Variants in CCDC192 observed in about 807,000 individuals in gnomAD.
CCDC192 encodes the protein coiled-coil domain-containing protein 192.
chr5:127,726,390 C>T (rs1475729025), intron 2 of CCDC192, among the ~76,000 whole-genome samples: 1 of 152,158 alleles, frequency 6.6e-6, no homozygotes, highest in Non-Finnish European at 1.5e-5. Flanking sequence ...TTTTCTTCTC[C>T]ATAAGCTTTC....
chr5:127,776,761 A>G (rs1414978682), intron 3 of CCDC192, among the ~76,000 whole-genome samples: 1 of 152,186 alleles, frequency 6.6e-6, no homozygotes, highest in Admixed American at 6.5e-5. Flanking sequence ...AGTCATGGCT[A>G]AAAGGGGCCA....
intron 2 of CCDC192, among the ~76,000 whole-genome samples, chr5:127,742,999 C>T (rs557037624): frequency 2.2e-4 from 34 of 152,228 alleles, no homozygotes; most frequent in African/African-American, 7.9e-4. Context: ...CTCCACCCTT[C>T]CCAACTCATC....
At chr5:127,846,949 T>C (rs188747902) in intron 5 of CCDC192, among the ~76,000 whole-genome samples, 26 of 152,208 alleles carry the variant, frequency 1.7e-4, no homozygotes, top group Admixed American at 1.2e-3. Context: ...ATATTTTCCC[T>C]GCTCAGCATT....
chr5:127,855,362 T>G (rs574301132), intron 5 of CCDC192, among the ~76,000 whole-genome samples: 14 of 152,342 alleles, frequency 9.2e-5, no homozygotes, highest in Non-Finnish European at 2.1e-4. Flanking sequence ...TATCATGAGA[T>G]TGCAGGAATT....
At chr5:127,921,260 TAAGAA>T (rs1253029318) in intron 6 of CCDC192, among the ~76,000 whole-genome samples, 2 of 149,716 alleles carry the variant, frequency 1.3e-5, no homozygotes, top group Non-Finnish European at 3.0e-5. Context: ...GGTAGGAAGG[TAAGAA>T]AAGAAAAGGA....
intron 3 of CCDC192, among the ~76,000 whole-genome samples, chr5:127,777,663 G>A (rs903153183): frequency 5.3e-5 from 8 of 152,156 alleles, no homozygotes; most frequent in Non-Finnish European, 1.5e-5. Flanking sequence ...AGTCCCACAT[G>A]TTGTGGGAGG....
chr5:127,749,258 A>G (rs1294899276), intron 2 of CCDC192, among the ~76,000 whole-genome samples: 1 of 152,086 alleles, frequency 6.6e-6, no homozygotes, highest in Non-Finnish European at 1.5e-5. Context: ...TTTGTCATAG[A>G]TAGCTCTTAT....
At chr5:127,941,014 T>C (rs1251546377) in intron 6 of CCDC192, 168 bp from the exon 7 acceptor site, 1 of 394,500 alleles carries the variant, frequency 2.5e-6, no homozygotes, top group East Asian at 3.6e-5. Flanking sequence ...CCAGAATCTT[T>C]CCTCTCACTG....
At chr5:127,752,039 A>G (rs1161758947) in intron 2 of CCDC192, among the ~76,000 whole-genome samples, 1 of 151,950 alleles carries the variant, frequency 6.6e-6, no homozygotes, top group East Asian at 1.9e-4. Flanking sequence ...AAAGTTTTCA[A>G]CTTCTTTGCC....
At chr5:127,876,495 C>T (rs952581504) in intron 6 of CCDC192, among the ~76,000 whole-genome samples, 2 of 152,188 alleles carry the variant, frequency 1.3e-5, no homozygotes, top group South Asian at 4.1e-4. Context: ...GCTGACCATA[C>T]CCTAGTGTGC....
At chr5:127,784,395 A>G (rs1425363065) in intron 3 of CCDC192, among the ~76,000 whole-genome samples, 1 of 152,190 alleles carries the variant, frequency 6.6e-6, no homozygotes, top group East Asian at 1.9e-4. Context: ...TTCTTAAATT[A>G]GGGTAAATGG....
At chr5:127,905,992 C>CT (rs919857569) in intron 6 of CCDC192, among the ~76,000 whole-genome samples, 2 of 152,050 alleles carry the variant, frequency 1.3e-5, no homozygotes, top group African/African-American at 4.8e-5. Flanking sequence ...AAAATCACTT[C>CT]TTTTTTTTAT....
intron 2 of CCDC192, among the ~76,000 whole-genome samples, chr5:127,752,981 T>C (rs1235804452): frequency 6.6e-6 from 1 of 152,166 alleles, no homozygotes; most frequent in African/African-American, 2.4e-5. Context: ...GTCGCGTCGG[T>C]GTGCGCACCC....
At chr5:127,843,201 A>AT (rs563071137) in intron 5 of CCDC192, among the ~76,000 whole-genome samples, 2,187 of 145,824 alleles carry the variant, frequency 0.015, 42 homozygotes, top group African/African-American at 0.052. Context: ...TGCCCGGCTA[A>AT]TTTTTTTTTT....
chr5:127,926,562 AG>A lies in CCDC192; in HGVS notation c.536-14619del, dbSNP rs751895384. On this transcript the variant is annotated intron_variant, in intron 6 of 6. Transcript: ENST00000514853. ...AATAAGACAAACTTAAAAGGTATTT[AG>A]AAGTCTAAATCAACAGAACTTTGTG... Among the ~76,000 whole-genome samples, 54 of 152,348 alleles carry A rather than the reference AG, an allele frequency of 3.5e-4. 1 individual carries two copies. Among genetic ancestry groups the A allele is most frequent in the South Asian group, 2.9e-3 (14 of 4,826 alleles).
intron 5 of CCDC192, among the ~76,000 whole-genome samples, chr5:127,874,694 A>C (rs1346827853): frequency 6.6e-6 from 1 of 152,116 alleles, no homozygotes; most frequent in East Asian, 1.9e-4. Context: ...ACCAGCCCAC[A>C]AAGACTTGGC....
At chr5:127,785,767 C>T (rs905905204) in intron 3 of CCDC192, 6 of 239,218 alleles carry the variant, frequency 2.5e-5, no homozygotes, top group East Asian at 1.2e-4. Context: ...TCTTCAAGAA[C>T]GAGTCATAGT....
intron 5 of CCDC192, among the ~76,000 whole-genome samples, chr5:127,867,101 A>G (rs550662246): frequency 6.6e-6 from 1 of 152,324 alleles, no homozygotes; most frequent in South Asian, 2.1e-4. Flanking sequence ...AAGAATATTC[A>G]TTGGGAAAGT....
chr5:127,766,685 C>T (rs897368791), intron 3 of CCDC192, among the ~76,000 whole-genome samples: 1 of 149,378 alleles, frequency 6.7e-6, no homozygotes, highest in African/African-American at 2.5e-5. Flanking sequence ...TATGTTGTCT[C>T]AGGTTGTTTC....
Sources: gnomAD v4.1 joint callset for allele counts (sites outside exome capture counted in the v4.1 genomes callset) on GRCh38, gnomAD v4.1.1 for gene constraint, MANE v1.5 for transcripts, NCBI Gene and HGNC (gene_info 2026-07-23, HGNC 2026-07-21) for gene names.